VASP: variants seen among roughly 807,000 people sequenced by gnomAD.
The protein encoded by VASP is vasodilator stimulated phosphoprotein.
VASP carries 27 observed loss-of-function variants against 54.4 expected under a neutral mutation model. That is an observed-to-expected ratio of 0.50 (90% CI 0.37 to 0.68). The LOEUF (loss-of-function observed/expected upper bound fraction) is 0.68, where lower values mean the gene tolerates loss of function less well. Ranked by LOEUF, VASP falls within the 30% of genes least tolerant of loss-of-function variation. The pLI, the probability that VASP is intolerant of heterozygous loss-of-function variation, is 0.00. For missense variants in VASP, 488 were observed against 528.3 expected, an observed-to-expected ratio of 0.92 and a Z score of 0.75; for synonymous variants, 233 against 209.8, an observed-to-expected ratio of 1.11 and a Z score of -0.96.
In VASP at chr19:45,517,854, C is replaced by G. The variant is rs1349840966; in HGVS notation, c.177+20C>G. Reference sequence around the variant, plus strand: ...CAGCAGGTGCAGCTTCCCGCCGGCCCCCTCTGTGGGCTGAACCCCTACCCG... The same window carrying G: ...CAGCAGGTGCAGCTTCCCGCCGGCCGCCTCTGTGGGCTGAACCCCTACCCG... On this transcript the variant is annotated intron_variant, in intron 2 of 12. Coordinates refer to ENST00000245932, the MANE Select transcript of VASP (RefSeq NM_003370.4). 6 of 1,611,140 alleles carry G rather than the reference C, an allele frequency of 3.7e-6. No homozygotes were observed. The South Asian group carries it at 6.6e-5, about 18-fold the overall frequency.
At chr19:45,523,190 A>ATTTTTTTTTTTTTTTTTT (rs61288703) in intron 7 of VASP, among the ~76,000 whole-genome samples, 1 of 74,700 alleles carries the variant, frequency 1.3e-5, no homozygotes, top group Admixed American at 1.9e-4. Flanking sequence ...AATCTCTTGA[A>ATTTTTTTTTTTTTTTTTT]TTTTTTTTTT....
chr19:45,523,363 C>T (rs1006808260), intron 7 of VASP, among the ~76,000 whole-genome samples: 2 of 151,588 alleles, frequency 1.3e-5, no homozygotes, highest in African/African-American at 2.4e-5. Context: ...TCACCACACC[C>T]GGCTAATTTT....
Position 45,524,119 on chromosome 19 carries a change from G to C in VASP, c.933G>C (p.Glu311Asp). 6.2e-7 allele frequency: 1 copy of C among 1,613,916 alleles called. No homozygotes were observed. Residue 311 changes from glutamate (E) to aspartate (D), a missense_variant, in exon 10 of 13, where the codon GAG (glutamate) becomes GAC (aspartate). This residue lies in a region of VASP where 126 missense variants were observed against 134.8 expected (regional missense o/e 0.94). Coordinates refer to ENST00000245932, the MANE Select transcript of VASP (RefSeq NM_003370.4). ...AQSESVRRPW[E>D]KNSTTLPRMK... ...CAGAATCTGTGCGGAGACCCTGGGA[G>C]AAGAACAGCACAACCTTGCCAAGGT...
intron 1 of VASP, 89 bp from the exon 2 acceptor site, chr19:45,517,574 C>T: frequency 6.6e-7 from 1 of 1,514,568 alleles, no homozygotes; most frequent in Non-Finnish European, 8.9e-7. Context: ...TCTCTTCCTT[C>T]CACACACTGT....
chr19:45,524,879 T>C, intron 11 of VASP: 1 of 465,058 alleles, frequency 2.2e-6, no homozygotes, highest in East Asian at 4.0e-5. Flanking sequence ...TCATTCCAGA[T>C]GAGTGCCTTG....
intron 7 of VASP, 73 bp downstream of exon 7, chr19:45,522,891 A>G (rs1968874469): frequency 5.7e-6 from 8 of 1,415,162 alleles, no homozygotes; most frequent in South Asian, 1.3e-5. Context: ...GAGGGCTCCA[A>G]TTCCTGTTTA....
At chr19:45,519,703 C>T (rs1968785753) in intron 3 of VASP, among the ~76,000 whole-genome samples, 1 of 148,836 alleles carries the variant, frequency 6.7e-6, no homozygotes, top group South Asian at 2.1e-4. Flanking sequence ...AAATGCCATT[C>T]TCCTGCCTCA....
chr19:45,519,874 C>T (rs1337539628), intron 3 of VASP, among the ~76,000 whole-genome samples: 1 of 129,632 alleles, frequency 7.7e-6, no homozygotes, highest in Non-Finnish European at 1.6e-5. Flanking sequence ...GGATTACAGG[C>T]GTGAGCCACT....
In VASP at chr19:45,524,118, A is replaced by G; in HGVS notation, c.932A>G (p.Glu311Gly). Residue 311 changes from glutamate to glycine, a missense_variant, in exon 10 of 13, where the codon GAG becomes GGG. Glu to Gly is a moderately conservative substitution (Grantham distance 98). Transcript: ENST00000245932. ...AQSESVRRPW[E>G]KNSTTLPRMK... ...CCAGAATCTGTGCGGAGACCCTGGG[A>G]GAAGAACAGCACAACCTTGCCAAGG... 6.2e-7 allele frequency: 1 copy of G among 1,613,818 alleles called. No individual in the cohort carries two copies. Among genetic ancestry groups the G allele is most frequent in the South Asian group, 1.1e-5 (1 of 91,074 alleles).
intron 3 of VASP, among the ~76,000 whole-genome samples, chr19:45,520,228 G>GAAT (rs1211343103): frequency 1.3e-5 from 2 of 152,156 alleles, no homozygotes; most frequent in East Asian, 3.9e-4. Flanking sequence ...ACCTTAACGT[G>GAAT]CACATGAATC....
At chr19:45,525,905 C>G (rs1272342783) in intron 11 of VASP, 41 bp from the exon 12 acceptor site, 1 of 1,581,352 alleles carries the variant, frequency 6.3e-7, no homozygotes, top group Admixed American at 1.9e-5. Context: ...CCTGCAAGTC[C>G]CGGTACCCCC....
In VASP at chr19:45,517,921, C is replaced by G. The variant is rs754482041; in HGVS notation, c.178-8C>G. 2 of 1,611,472 alleles carry G rather than the reference C, an allele frequency of 1.2e-6. No homozygotes were observed. Among genetic ancestry groups the G allele is most frequent in the African/African-American group, 2.7e-5 (2 of 74,840 alleles). On this transcript the variant is annotated splice_polypyrimidine_tract_variant and splice_region_variant and intron_variant, in intron 2 of 12. Coordinates refer to ENST00000245932, the MANE Select transcript of VASP (RefSeq NM_003370.4). ...GCCGCCCCTCACCCCCCTTTCCCCT[C>G]CCACCAGGTGGTCATCAACTGTGCC... is the stretch of plus-strand genomic sequence containing the variant.
At chr19:45,518,866 C>T (rs754527771) in intron 3 of VASP, among the ~76,000 whole-genome samples, 1 of 152,158 alleles carries the variant, frequency 6.6e-6, no homozygotes, top group Admixed American at 6.5e-5. Context: ...GAGTCTTGCT[C>T]TGTCACCCAG....
intron 11 of VASP, 150 bp downstream of exon 11, chr19:45,524,810 G>A (rs375675010): frequency 4.3e-5 from 30 of 694,674 alleles, no homozygotes; most frequent in South Asian, 1.9e-4. Flanking sequence ...AAGGATGACC[G>A]AGACTCCACA....
intron 7 of VASP, 39 bp from the exon 8 acceptor site, chr19:45,523,605 G>A: frequency 6.2e-7 from 1 of 1,611,486 alleles, no homozygotes; most frequent in Non-Finnish European, 8.5e-7. Context: ...GGATGGGTTG[G>A]GTGACGGAAG....
chr19:45,517,163 A>T (rs12978806), intron 1 of VASP, among the ~76,000 whole-genome samples: 91,773 of 149,384 alleles, frequency 0.61, 28,550 homozygotes, highest in Middle Eastern at 0.75. Context: ...TAATAATAAT[A>T]ATTATTATTA....
chr19:45,515,121 C>CT (rs958429925), intron 1 of VASP, among the ~76,000 whole-genome samples: 3 of 152,158 alleles, frequency 2.0e-5, no homozygotes, highest in African/African-American at 7.2e-5. Context: ...CCCCAGGTCC[C>CT]TACCCACAGC....
chr19:45,526,218 C>A lies in VASP; in HGVS notation c.*41C>A. 6.3e-7 allele frequency: 1 copy of A among 1,585,100 alleles called. No homozygotes were observed. The highest frequency in any genetic ancestry group is 8.5e-7 in the Non-Finnish European group (1 of 1,170,832). On this transcript the variant is annotated 3_prime_UTR_variant, in exon 13 of 13. Transcript: ENST00000245932. The stretch of plus-strand genomic sequence containing the variant: ...AGACCCGCTTCTCCTTTCCGCACAC[C>A]CGGCCTGTCACCCTGCTTTCCCTGC...
chr19:45,516,226 TGCCGGA>T (rs1158187275), intron 1 of VASP, among the ~76,000 whole-genome samples: 1 of 152,188 alleles, frequency 6.6e-6, no homozygotes, highest in East Asian at 1.9e-4. Context: ...AGGAGGGTGG[TGCCGGA>T]GCTGTCTGGG....
Sources: allele counts gnomAD v4.1 joint callset (sites outside exome capture counted in the v4.1 genomes callset), GRCh38; gene constraint gnomAD v4.1.1; regional missense constraint gnomAD v4.1.1; transcripts MANE v1.5; gene names NCBI Gene and HGNC (gene_info 2026-07-23, HGNC 2026-07-21).